The following DOCK10 variants were observed in gnomAD, a reference collection of about 807,000 sequenced individuals.
DOCK10 encodes the protein dedicator of cytokinesis protein 10.
DOCK10 carries 145 observed loss-of-function variants against 280.1 expected under a neutral mutation model. The ratio of observed to expected loss-of-function variants is 0.52; its 90% CI spans 0.45 to 0.59. The LOEUF (loss-of-function observed/expected upper bound fraction) is 0.59. DOCK10 is among the 20% of genes least tolerant of loss of function. The pLI is 0.00. For synonymous variants in DOCK10, 915 were observed against 942.2 expected (o/e 0.97, Z 0.53); for missense variants, 2,368 against 2,651.7 (o/e 0.89, Z 2.35).
chr2:225,012,721 A>G (rs535256013), intron 1 of DOCK10, among the ~76,000 whole-genome samples: 1 of 152,364 alleles, frequency 6.6e-6, no homozygotes, highest in East Asian at 1.9e-4. Flanking sequence ...ATTATGTTGT[A>G]TAATAGATAC....
At chr2:224,851,022 C>T (rs1366753175) in intron 18 of DOCK10, among the ~76,000 whole-genome samples, 2 of 152,188 alleles carry the variant, frequency 1.3e-5, no homozygotes, top group African/African-American at 4.8e-5. Context: ...AACCACAAGG[C>T]TTGGATGGAC....
intron 47 of DOCK10, among the ~76,000 whole-genome samples, chr2:224,792,498 G>C (rs1349684262): frequency 1.3e-5 from 2 of 152,084 alleles, no homozygotes; most frequent in Non-Finnish European, 2.9e-5. Context: ...TGGCCAGGCT[G>C]GTCTCGGACT....
chr2:224,792,755 C>T (rs958972076), intron 47 of DOCK10, among the ~76,000 whole-genome samples: 1 of 152,134 alleles, frequency 6.6e-6, no homozygotes, highest in Non-Finnish European at 1.5e-5. Context: ...GGAGAACATA[C>T]AGTTCTATTT....
At position 225,042,342 on chromosome 2, in the gene DOCK10, C is replaced by A; in HGVS notation, c.33G>T (p.Arg11=). The A allele has an allele frequency of 7.6e-7, 1 of 1,313,592 alleles. No homozygotes were observed. The highest frequency in any genetic ancestry group is 2.1e-5 in the South Asian group (1 of 47,356). The allele number at this position is 1,313,592 out of a possible 1,614,324, so 81.4% of individuals were successfully genotyped here. A position where few individuals can be genotyped will look rare whatever the true frequency, so the allele number is the denominator to read the frequency against. Residue 11 remains arginine (R), a synonymous_variant, in exon 1 of 56, where the codon CGG becomes CGT. Transcript: ENST00000258390. The surrounding 1 kb of genome is among the most constrained non-coding windows in gnomAD (Gnocchi z 5.1). ...CCGCCTGCCCAGGTCTCAACAGGCT[C>A]CGGGTGAACCTGCGGGTCCGCTCAC... The part of the protein sequence containing the change: MAGERTRRFT[R]SLLRPGQAAE...
At chr2:225,019,554 G>A (rs1346473392) in intron 1 of DOCK10, among the ~76,000 whole-genome samples, 3 of 150,144 alleles carry the variant, frequency 2.0e-5, no homozygotes, top group Non-Finnish European at 2.9e-5. Context: ...TGGTGCTCCT[G>A]GCATCTACTC....
At chr2:224,797,230 CA>C (rs1365535183) in intron 42 of DOCK10, 84 bp from the exon 43 acceptor site, 7 of 1,006,874 alleles carry the variant, frequency 7.0e-6, no homozygotes, top group African/African-American at 1.7e-5. Flanking sequence ...TTCCCTAAAA[CA>C]AAATCCCTCT....
At chr2:224,951,446 C>T (rs982966896) in intron 1 of DOCK10, among the ~76,000 whole-genome samples, 8 of 152,100 alleles carry the variant, frequency 5.3e-5, no homozygotes, top group Admixed American at 4.6e-4. Flanking sequence ...CCCATGGTGT[C>T]CAGTCAGAAA....
intron 1 of DOCK10, among the ~76,000 whole-genome samples, chr2:224,992,774 TC>T (rs1371002262): frequency 6.6e-6 from 1 of 152,216 alleles, no homozygotes; most frequent in Non-Finnish European, 1.5e-5. Context: ...ACAAGTCTTG[TC>T]ATCTCTTTCT....
At chr2:224,793,371 T>A (rs201921763) in intron 46 of DOCK10, 29 bp downstream of exon 46, 36 of 1,587,178 alleles carry the variant, frequency 2.3e-5, no homozygotes, top group Non-Finnish European at 2.9e-5. Context: ...ATATCTAGGC[T>A]TTTTGCCTCC....
intron 3 of DOCK10, 60 bp from the exon 4 acceptor site, chr2:224,896,437 G>A (rs1007831636): frequency 5.4e-6 from 6 of 1,102,838 alleles, no homozygotes; most frequent in South Asian, 1.5e-5. Flanking sequence ...GGCTGGGCGC[G>A]GTGGCGCTTG....
chr2:224,857,450 A>T (rs566973564), intron 14 of DOCK10, among the ~76,000 whole-genome samples: 1 of 152,300 alleles, frequency 6.6e-6, no homozygotes, highest in African/African-American at 2.4e-5. Context: ...ACACATTTTC[A>T]TGGAGCTAAA....
chr2:225,021,214 C>T (rs1215496902), intron 1 of DOCK10, among the ~76,000 whole-genome samples: 3 of 152,192 alleles, frequency 2.0e-5, no homozygotes, highest in Non-Finnish European at 4.4e-5. Flanking sequence ...GGTTCAATTA[C>T]ATAACAAACA....
chr2:224,993,767 C>T (rs983076315), intron 1 of DOCK10, among the ~76,000 whole-genome samples: 2 of 152,156 alleles, frequency 1.3e-5, no homozygotes, highest in Non-Finnish European at 2.9e-5. Context: ...GGCAAAGCTG[C>T]AGTTCAAATG....
intron 1 of DOCK10, among the ~76,000 whole-genome samples, chr2:224,960,989 C>T (rs538995604): frequency 1.1e-3 from 166 of 152,222 alleles, no homozygotes; most frequent in Middle Eastern, 6.8e-3. Context: ...CCGCCTGTCT[C>T]GGCCTCCCAA....
intron 1 of DOCK10, among the ~76,000 whole-genome samples, chr2:225,027,605 C>T (rs1045787404): frequency 1.3e-5 from 2 of 151,910 alleles, no homozygotes; most frequent in African/African-American, 4.8e-5. Context: ...GTGTGTAGTG[C>T]CCCCTCCCTC....
At chr2:224,790,245 ATGTGAG>A (rs1382610052) in intron 47 of DOCK10, among the ~76,000 whole-genome samples, 1 of 152,220 alleles carries the variant, frequency 6.6e-6, no homozygotes, top group African/African-American at 2.4e-5. Context: ...ATTGTGGGGA[ATGTGAG>A]TGACTAGGAG....
At chr2:225,000,705 C>T (rs1407681095) in intron 1 of DOCK10, among the ~76,000 whole-genome samples, 1 of 152,190 alleles carries the variant, frequency 6.6e-6, no homozygotes, top group East Asian at 1.9e-4. Context: ...GAAAATCAGG[C>T]CGGGTGGCTC....
intron 4 of DOCK10, among the ~76,000 whole-genome samples, chr2:224,894,233 G>T (rs907749431): frequency 9.2e-5 from 14 of 152,100 alleles, no homozygotes; most frequent in Admixed American, 3.9e-4. Flanking sequence ...TCCGGGATTG[G>T]TTTTTTCTAG....
At chr2:224,919,466 CAG>C (rs1457182539) in intron 2 of DOCK10, among the ~76,000 whole-genome samples, 1 of 141,082 alleles carries the variant, frequency 7.1e-6, no homozygotes, top group Non-Finnish European at 1.5e-5. Flanking sequence ...TGTGATGTGT[CAG>C]TGTGAGTGTG....
Sources: gnomAD v4.1 joint callset for allele counts (sites outside exome capture counted in the v4.1 genomes callset) on GRCh38, gnomAD v4.1.1 for gene constraint, Gnocchi (gnomAD v3.1) non-coding constraint, MANE v1.5 for transcripts, NCBI Gene and HGNC (gene_info 2026-07-23, HGNC 2026-07-21) for gene names.